Variants in NXPE2 observed in about 807,000 individuals in gnomAD.
NXPE2 encodes NXPE family member 2.
NXPE2 carries 34 observed loss-of-function variants against 34.4 expected under a neutral mutation model. That is an observed-to-expected ratio of 0.99 (90% confidence interval 0.75 to 1.31). The LOEUF (loss-of-function observed/expected upper bound fraction) is 1.31, where lower values mean the gene tolerates loss of function less well. Ranked by LOEUF, NXPE2 falls within the 40% of genes most tolerant of loss-of-function variation. The pLI, the probability that NXPE2 is intolerant of heterozygous loss-of-function variation, is 0.00. For synonymous variants in NXPE2, 235 were observed against 231.3 expected (o/e 1.02, Z -0.15); for missense variants, 649 against 672.5 (o/e 0.97, Z 0.39).
At chr11:114,510,586 G>T in the NXPE2 span, among the ~76,000 whole-genome samples, 1 of 152,124 alleles carries the variant, frequency 6.6e-6, no homozygotes, top group African/African-American at 2.4e-5. Flanking sequence ...GAAAACAATA[G>T]ATGTTTCCTA....
the NXPE2 span, among the ~76,000 whole-genome samples, chr11:114,619,105 G>A: frequency 6.6e-6 from 1 of 152,034 alleles, no homozygotes; most frequent in African/African-American, 2.4e-5. Context: ...CTGTTGCACT[G>A]TGGATAATAA....
chr11:114,720,372 C>A, the NXPE2 span, among the ~76,000 whole-genome samples: 4 of 152,230 alleles, frequency 2.6e-5, no homozygotes, highest in African/African-American at 9.6e-5. Flanking sequence ...CTTGATATAT[C>A]TGAAGGCCTG....
At chr11:114,798,369 CTG>C in the NXPE2 span, among the ~76,000 whole-genome samples, 39 of 151,854 alleles carry the variant, frequency 2.6e-4, no homozygotes, top group Non-Finnish European at 4.9e-4. Context: ...CTCCTTCCCT[CTG>C]TTTCTTTCTT....
the NXPE2 span, among the ~76,000 whole-genome samples, chr11:114,666,408 T>G: frequency 6.6e-6 from 1 of 152,138 alleles, no homozygotes; most frequent in Admixed American, 6.6e-5. Flanking sequence ...AAAGGGAAAT[T>G]GATTAAAAAA....
At chr11:114,615,776 T>C in the NXPE2 span, among the ~76,000 whole-genome samples, 1 of 151,624 alleles carries the variant, frequency 6.6e-6, no homozygotes, top group African/African-American at 2.4e-5. Flanking sequence ...GCCTCATGGG[T>C]AACCACTGTT....
the NXPE2 span, among the ~76,000 whole-genome samples, chr11:114,661,866 C>T: frequency 6.6e-6 from 1 of 152,118 alleles, no homozygotes; most frequent in African/African-American, 2.4e-5. Context: ...TCTGTATATA[C>T]CCACATGTAT....
the NXPE2 span, chr11:114,583,066 A>T: frequency 6.5e-7 from 1 of 1,550,264 alleles, no homozygotes. Context: ...AATTTAGAGC[A>T]TATCTGAACT....
the NXPE2 span, chr11:114,523,099 CA>C: frequency 4.4e-6 from 7 of 1,596,748 alleles, no homozygotes; most frequent in Non-Finnish European, 6.0e-6. Flanking sequence ...TCTCTGGTAA[CA>C]AAGACACTCG....
the NXPE2 span, among the ~76,000 whole-genome samples, chr11:114,601,697 TAA>T: frequency 4.1e-5 from 3 of 73,030 alleles, no homozygotes; most frequent in East Asian, 4.5e-4. Flanking sequence ...TATATATTTA[TAA>T]TTCTTTATAT....
the NXPE2 span, among the ~76,000 whole-genome samples, chr11:114,633,259 G>A: frequency 7.7e-6 from 1 of 130,126 alleles, no homozygotes; most frequent in Non-Finnish European, 1.6e-5. Context: ...TAATATATAA[G>A]AATGTTATAT....
the NXPE2 span, among the ~76,000 whole-genome samples, chr11:114,511,403 G>A: frequency 6.6e-6 from 1 of 152,152 alleles, no homozygotes; most frequent in Admixed American, 6.5e-5. Context: ...ATAAGCATGA[G>A]AAAGAAAGTC....
At chr11:114,477,382 A>G in the NXPE2 span, among the ~76,000 whole-genome samples, 1 of 152,230 alleles carries the variant, frequency 6.6e-6, no homozygotes, top group Non-Finnish European at 1.5e-5. Flanking sequence ...AACAATAAGT[A>G]TGTGAGGCGA....
chr11:114,499,258 T>C, the NXPE2 span, among the ~76,000 whole-genome samples: 1 of 152,172 alleles, frequency 6.6e-6, no homozygotes, highest in Admixed American at 6.5e-5. Flanking sequence ...GAATGTGTTT[T>C]CTGTTGTTTA....
the NXPE2 span, among the ~76,000 whole-genome samples, chr11:114,588,322 C>T: frequency 0.18 from 27,531 of 152,078 alleles, 2,856 homozygotes; most frequent in Non-Finnish European, 0.22. Flanking sequence ...CTTCTTATTG[C>T]AGGATCTTAG....
At chr11:114,597,982 T>C in the NXPE2 span, among the ~76,000 whole-genome samples, 1 of 152,132 alleles carries the variant, frequency 6.6e-6, no homozygotes, top group Non-Finnish European at 1.5e-5. Context: ...GTCCAAAGTC[T>C]CATTTGAGAC....
the NXPE2 span, among the ~76,000 whole-genome samples, chr11:114,572,601 A>G: frequency 3.3e-5 from 5 of 152,182 alleles, no homozygotes; most frequent in Non-Finnish European, 5.9e-5. Context: ...AGAATTGAAC[A>G]AGCAGAAAAA....
chr11:114,777,335 T>G, the NXPE2 span, among the ~76,000 whole-genome samples: 1 of 152,216 alleles, frequency 6.6e-6, no homozygotes. Flanking sequence ...GTTACATGAT[T>G]TGGGGACTGT....
chr11:114,546,155 A>G, the NXPE2 span, among the ~76,000 whole-genome samples: 1 of 152,250 alleles, frequency 6.6e-6, no homozygotes, highest in African/African-American at 2.4e-5. Context: ...AAATTAATAG[A>G]GTCTGTAAGG....
the NXPE2 span, among the ~76,000 whole-genome samples, chr11:114,637,350 T>C: frequency 6.6e-6 from 1 of 151,976 alleles, no homozygotes; most frequent in Admixed American, 6.6e-5. Flanking sequence ...TTTGAGCCCA[T>C]GTGTGTCTCT....
Sources: gnomAD v4.1 joint callset for allele counts (sites outside exome capture counted in the v4.1 genomes callset) on GRCh38, gnomAD v4.1.1 for gene constraint, MANE v1.5 for transcripts, NCBI Gene and HGNC (gene_info 2026-07-23, HGNC 2026-07-21) for gene names.